EYS: variants seen among roughly 807,000 people sequenced by gnomAD.
EYS encodes EGF-like photoreceptor maintenance factor.
A neutral mutation model predicts 282.1 loss-of-function variants in EYS; 250 were observed. The ratio of observed to expected loss-of-function variants is 0.89; its 90% confidence interval spans 0.80 to 0.98. The LOEUF is 0.98. EYS is among the 50% of genes least tolerant of loss of function. The pLI, the probability that EYS is intolerant of heterozygous loss-of-function variation, is 0.00. For missense variants in EYS, 4,016 were observed against 3,709.0 expected (o/e 1.08, Z -2.15); for synonymous variants, 1,355 against 1,282.9 (o/e 1.06, Z -1.20).
chr6:64,452,039 C>T (rs377253150), intron 26 of EYS, among the ~76,000 whole-genome samples: 5 of 151,992 alleles, frequency 3.3e-5, no homozygotes, highest in African/African-American at 4.8e-5. Flanking sequence ...AAATAAAGGG[C>T]ATTCAATTAG....
intron 22 of EYS, among the ~76,000 whole-genome samples, chr6:64,785,638 C>T (rs993709262): frequency 6.6e-6 from 1 of 152,146 alleles, no homozygotes; most frequent in African/African-American, 2.4e-5. Context: ...AACATATTTA[C>T]AGTCTCGACA....
At chr6:64,906,974 AACAC>A (rs1253650854) in intron 16 of EYS, among the ~76,000 whole-genome samples, 1 of 152,196 alleles carries the variant, frequency 6.6e-6, no homozygotes, top group Non-Finnish European at 1.5e-5. Flanking sequence ...CTATGCTACA[AACAC>A]ACACATTCTC....
intron 25 of EYS, among the ~76,000 whole-genome samples, chr6:64,592,204 C>T (rs1582931262): frequency 6.6e-6 from 1 of 152,188 alleles, no homozygotes; most frequent in East Asian, 1.9e-4. Flanking sequence ...TATTTACACT[C>T]CATGGGAGGG....
chr6:65,303,754 TGAA>T (rs1229691360), intron 11 of EYS: 2 of 549,178 alleles, frequency 3.6e-6, no homozygotes, highest in Admixed American at 7.6e-5. Context: ...AGGTCCTGGC[TGAA>T]GAAGAACATA....
chr6:64,059,588 C>A (rs930399901), intron 33 of EYS, among the ~76,000 whole-genome samples: 6 of 152,066 alleles, frequency 3.9e-5, no homozygotes, highest in Non-Finnish European at 8.8e-5. Context: ...AAGAAGTGGG[C>A]AAATTTTAGA....
At chr6:65,575,213 C>G (rs1364877378) in intron 2 of EYS, among the ~76,000 whole-genome samples, 2 of 151,806 alleles carry the variant, frequency 1.3e-5, no homozygotes, top group Non-Finnish European at 1.5e-5. Context: ...TGTAACCCCA[C>G]CTACTCCGAA....
chr6:65,706,464 T>C (rs992260583), intron 1 of EYS, among the ~76,000 whole-genome samples: 1 of 152,092 alleles, frequency 6.6e-6, no homozygotes, highest in African/African-American at 2.4e-5. Context: ...AGTGTATTAA[T>C]AAGGTAAGAG....
At chr6:65,408,520 T>C (rs1459493961) in intron 5 of EYS, among the ~76,000 whole-genome samples, 1 of 152,142 alleles carries the variant, frequency 6.6e-6, no homozygotes, top group Admixed American at 6.6e-5. Flanking sequence ...CTAATGTTGT[T>C]CATAATATCT....
chr6:65,442,760 TAAAAATA>T (rs1342993849), intron 5 of EYS, among the ~76,000 whole-genome samples: 3 of 141,016 alleles, frequency 2.1e-5, no homozygotes, highest in East Asian at 4.4e-4. Context: ...TCTCAAAAAA[TAAAAATA>T]AAAAATAAAA....
chr6:65,679,533 C>T lies in EYS; in HGVS notation c.-448+27602G>A, dbSNP rs78480494. On this transcript the variant is annotated intron_variant, in intron 1 of 42. Coordinates refer to ENST00000503581, the MANE Select transcript of EYS (RefSeq NM_001142800.2). Reference sequence around the variant, plus strand: ...AAGTAGAATGTTGGTTGCCAGAGTCCGAAGAAATGGGGAAATGAGGAGTTA... The same window carrying T: ...AAGTAGAATGTTGGTTGCCAGAGTCTGAAGAAATGGGGAAATGAGGAGTTA... 5.8e-3 allele frequency among the ~76,000 whole-genome samples: 885 copies of T among 151,486 alleles called. 8 individuals carry two copies. The highest frequency in any genetic ancestry group is 0.02 in the African/African-American group (841 of 41,342).
chr6:65,484,174 A>C (rs1157910301), intron 5 of EYS, among the ~76,000 whole-genome samples: 1 of 152,000 alleles, frequency 6.6e-6, no homozygotes, highest in Non-Finnish European at 1.5e-5. Context: ...CCAAACCTTT[A>C]TAGGGTAATC....
intron 35 of EYS, among the ~76,000 whole-genome samples, chr6:63,937,656 T>C (rs1353046645): frequency 1.3e-5 from 2 of 151,942 alleles, no homozygotes; most frequent in Non-Finnish European, 2.9e-5. Context: ...GCTGGGATTA[T>C]AGGCGTGAGC....
chr6:65,385,644 G>A (rs1382274029), intron 7 of EYS, among the ~76,000 whole-genome samples: 2 of 151,780 alleles, frequency 1.3e-5, no homozygotes, highest in African/African-American at 4.8e-5. Context: ...AATTACATTA[G>A]TTGCTTTGGC....
chr6:64,934,625 GA>G (rs138616091), intron 15 of EYS, among the ~76,000 whole-genome samples: 5 of 149,554 alleles, frequency 3.3e-5, no homozygotes, highest in South Asian at 2.1e-4. Context: ...AGTGCTAAAA[GA>G]AAAAAAAAGA....
intron 19 of EYS, among the ~76,000 whole-genome samples, chr6:64,841,889 C>A (rs1478409462): frequency 6.6e-6 from 1 of 152,142 alleles, no homozygotes; most frequent in Admixed American, 6.6e-5. Context: ...AGATTAACTT[C>A]TCATACCCAA....
chr6:65,260,643 A>C (rs1444539472), intron 12 of EYS, among the ~76,000 whole-genome samples: 1 of 152,060 alleles, frequency 6.6e-6, no homozygotes, highest in Non-Finnish European at 1.5e-5. Flanking sequence ...ATATATTATA[A>C]ATTTATAAAC....
chr6:65,281,729 A>G (rs543943104), intron 12 of EYS, among the ~76,000 whole-genome samples: 119 of 152,262 alleles, frequency 7.8e-4, no homozygotes, highest in African/African-American at 2.6e-3. Flanking sequence ...GAGAATAGGT[A>G]TGGATTGAAT....
At chr6:64,996,924 GACTTGTGTTGT>G (rs1466073319) in intron 14 of EYS, among the ~76,000 whole-genome samples, 4 of 152,164 alleles carry the variant, frequency 2.6e-5, no homozygotes, top group Admixed American at 2.6e-4. Context: ...TTGTAGCCCT[GACTTGTGTTGT>G]ATGTTGCTTA....
chr6:65,275,939 C>T (rs13199174), intron 12 of EYS, among the ~76,000 whole-genome samples: 12,736 of 152,126 alleles, frequency 0.084, 710 homozygotes, highest in African/African-American at 0.15. Context: ...TACCAAATAC[C>T]TTATCACCAT....
Sources: gnomAD v4.1 joint callset for allele counts (sites outside exome capture counted in the v4.1 genomes callset) on GRCh38, gnomAD v4.1.1 for gene constraint, MANE v1.5 for transcripts, NCBI Gene and HGNC (gene_info 2026-07-23, HGNC 2026-07-21) for gene names.